GPR55: variants seen among roughly 807,000 people sequenced by gnomAD.
GPR55 encodes G protein-coupled receptor 55, also known as G-protein coupled receptor 55.
In GPR55, 6 loss-of-function variants were observed where a neutral mutation model predicts 7.9. The ratio of observed to expected loss-of-function variants is 0.76; its 90% confidence interval spans 0.41 to 1.49. The LOEUF (loss-of-function observed/expected upper bound fraction) is 1.49. Among genes scored for constraint, GPR55 ranks in the 40% most tolerant of loss-of-function variants. The pLI, the probability that GPR55 is intolerant of heterozygous loss-of-function variation, is 0.01. For synonymous variants in GPR55, 183 were observed against 166.8 expected (o/e 1.10, Z -0.75); for missense variants, 376 against 406.0 (o/e 0.93, Z 0.63).
At chr2:230,919,207 A>G (rs952572647) in intron 1 of GPR55, among the ~76,000 whole-genome samples, 3 of 152,166 alleles carry the variant, frequency 2.0e-5, no homozygotes, top group African/African-American at 7.2e-5. Context: ...CTAGATGAAA[A>G]TTTAATAAAC....
chr2:230,945,552 G>A (rs1485816522), intron 1 of GPR55, among the ~76,000 whole-genome samples: 2 of 152,212 alleles, frequency 1.3e-5, no homozygotes, highest in Admixed American at 6.5e-5. Context: ...CGTGGTGGAC[G>A]ATATTACAGA....
At chr2:230,939,880 C>A (rs115640633) in intron 1 of GPR55, among the ~76,000 whole-genome samples, 1 of 151,886 alleles carries the variant, frequency 6.6e-6, no homozygotes, top group Non-Finnish European at 1.5e-5. Flanking sequence ...CAGGCTGCAG[C>A]GGGGAGAGAC....
chr2:230,918,979 C>T (rs1690775848), intron 1 of GPR55, among the ~76,000 whole-genome samples: 1 of 152,032 alleles, frequency 6.6e-6, no homozygotes, highest in Non-Finnish European at 1.5e-5. Flanking sequence ...TATGCACTAA[C>T]ACATTTAACA....
At chr2:230,926,987 G>A (rs963980238), upstream of GPR55, among the ~76,000 whole-genome samples, 1 of 151,768 alleles carries the variant, frequency 6.6e-6, no homozygotes, top group Non-Finnish European at 1.5e-5. Flanking sequence ...CACCGCTCCC[G>A]GCCCTGGCTA....
chr2:230,916,165 G>A (rs926079304), intron 1 of GPR55, among the ~76,000 whole-genome samples: 1 of 152,032 alleles, frequency 6.6e-6, no homozygotes, highest in Non-Finnish European at 1.5e-5. Context: ...CTCGAGCCCA[G>A]GAGTTTGAGA....
intron 1 of GPR55, among the ~76,000 whole-genome samples, chr2:230,920,092 T>TG (rs1690800042): frequency 3.3e-5 from 5 of 149,404 alleles, no homozygotes; most frequent in African/African-American, 9.8e-5. Flanking sequence ...TCTCTGTCTT[T>TG]TGTGTGTGTG....
chr2:230,931,986 G>A (rs928322778), intron 1 of GPR55, among the ~76,000 whole-genome samples: 9 of 151,924 alleles, frequency 5.9e-5, no homozygotes, highest in African/African-American at 1.2e-4. Context: ...GCCCGGTCCC[G>A]TCGAGGCCAC....
intron 1 of GPR55, among the ~76,000 whole-genome samples, chr2:230,938,854 C>G (rs1691174623): frequency 6.6e-6 from 1 of 152,162 alleles, no homozygotes; most frequent in Non-Finnish European, 1.5e-5. Flanking sequence ...TCATGAGAGC[C>G]TCGAGTCTAG....
At chr2:230,911,584 C>T (rs570216135) in intron 1 of GPR55, among the ~76,000 whole-genome samples, 2 of 152,310 alleles carry the variant, frequency 1.3e-5, no homozygotes, top group South Asian at 2.1e-4. Flanking sequence ...CTCCAAGAAG[C>T]CATGATAATC....
intron 1 of GPR55, among the ~76,000 whole-genome samples, chr2:230,939,947 C>T (rs114610188): frequency 0.018 from 2,547 of 145,204 alleles, 79 homozygotes; most frequent in African/African-American, 0.069. Flanking sequence ...TTGGCGGGGG[C>T]GGGGACAGCT....
intron 1 of GPR55, among the ~76,000 whole-genome samples, chr2:230,938,414 CAAAG>C (rs1691167935): frequency 7.3e-6 from 1 of 137,052 alleles, no homozygotes; most frequent in Non-Finnish European, 1.6e-5. Flanking sequence ...AAAAAAAAAA[CAAAG>C]AAAGAAAATC....
intron 1 of GPR55, among the ~76,000 whole-genome samples, chr2:230,932,887 G>T (rs1691071367): frequency 6.6e-6 from 1 of 151,096 alleles, no homozygotes; most frequent in Non-Finnish European, 1.5e-5. Context: ...TCTCTCTCTT[G>T]CATGCGCTCG....
chr2:230,954,375 A>G (rs184222271), intron 1 of GPR55, among the ~76,000 whole-genome samples: 1 of 152,356 alleles, frequency 6.6e-6, no homozygotes, highest in Admixed American at 6.5e-5. Context: ...ACTCTCTTCT[A>G]GTTCATTTTC....
chr2:230,909,712 T>G lies in GPR55; in HGVS notation c.*291A>C. Reference sequence around the variant, plus strand: ...AAACAGCCTTGTTGACATGGTCTCATTCTCTTTCTCAATTCTTCTGCTCTA... The same window carrying G: ...AAACAGCCTTGTTGACATGGTCTCAGTCTCTTTCTCAATTCTTCTGCTCTA... On this transcript the variant is annotated 3_prime_UTR_variant, in exon 2 of 2. Coordinates refer to ENST00000650999, the MANE Select transcript of GPR55 (RefSeq NM_005683.4). The G allele has an allele frequency of 3.0e-6, 1 of 334,908 alleles. No homozygotes were observed. Among genetic ancestry groups the G allele is most frequent in the Non-Finnish European group, 5.5e-6 (1 of 182,030 alleles). 20.7% of individuals were successfully genotyped at this position (334,908 alleles called of 1,614,324 possible). A position where few individuals can be genotyped will look rare whatever the true frequency, so the allele number is the denominator to read the frequency against.
chr2:230,940,086 G>T (rs966463043), intron 1 of GPR55, among the ~76,000 whole-genome samples: 1 of 152,136 alleles, frequency 6.6e-6, no homozygotes, highest in East Asian at 1.9e-4. Context: ...GGAGTCCTGC[G>T]ATGCTGGGAC....
intron 1 of GPR55, among the ~76,000 whole-genome samples, chr2:230,943,058 G>A (rs77181940): frequency 0.025 from 3,653 of 148,138 alleles, 139 homozygotes; most frequent in African/African-American, 0.091. Context: ...GAGAGAGGAG[G>A]GAGAGAGAAA....
chr2:230,957,600 C>A (rs899502534), intron 1 of GPR55: 4 of 449,120 alleles, frequency 8.9e-6, no homozygotes, highest in South Asian at 1.6e-5. Flanking sequence ...CCCGTGGCCG[C>A]CGCTCCGGAG....
chr2:230,945,850 G>C (rs939113008), intron 1 of GPR55, among the ~76,000 whole-genome samples: 8 of 152,154 alleles, frequency 5.3e-5, no homozygotes, highest in Non-Finnish European at 8.8e-5. Context: ...GGATTACAGG[G>C]CTGAGCCACC....
chr2:230,930,641 A>G (rs1691021112), intron 1 of GPR55, among the ~76,000 whole-genome samples: 1 of 151,962 alleles, frequency 6.6e-6, no homozygotes, highest in Non-Finnish European at 1.5e-5. Context: ...GGTACAAAAT[A>G]CAAAGGCATT....
Sources: allele counts gnomAD v4.1 joint callset (sites outside exome capture counted in the v4.1 genomes callset), GRCh38; gene constraint gnomAD v4.1.1; transcripts MANE v1.5; gene names NCBI Gene and HGNC (gene_info 2026-07-23, HGNC 2026-07-21).